OR6J1: variants seen among roughly 807,000 people sequenced by gnomAD.
The protein encoded by OR6J1 is olfactory receptor family 6 subfamily J member 1.
For missense variants in OR6J1, 304 were observed against 166.8 expected (o/e 1.82, Z -4.53); for synonymous variants, 109 against 70.0 (o/e 1.56, Z -2.78).
chr14:22,642,312 A>AATATATATATATATATATATATATAT (rs71421135), intron 1 of OR6J1, among the ~76,000 whole-genome samples: 11 of 109,230 alleles, frequency 1.0e-4, no homozygotes, highest in South Asian at 2.8e-4. Context: ...TCAACTTAAG[A>AATATATATATATATATATATATATAT]ATATATATAT....
rs1594902821 is a variant in OR6J1, at chr14:22,638,616, C to T, written c.-27-3778G>A. On this transcript the variant is annotated intron_variant, in intron 1 of 1. Coordinates refer to ENST00000540461, the MANE Select transcript of OR6J1 (RefSeq NM_001348233.2). ...CTATTGTCCTATGACCCTGCCAAATCCCCCTCTGCGAGAAACACCCAAGAA... is the reference window on the plus strand; with the variant it reads ...CTATTGTCCTATGACCCTGCCAAATTCCCCTCTGCGAGAAACACCCAAGAA... 4.1e-5 allele frequency among the ~76,000 whole-genome samples: 3 copies of T among 72,872 alleles called. No homozygotes were observed. The South Asian group carries it at 9.5e-4, about 23-fold the overall frequency. 47.8% of individuals were successfully genotyped at this position (72,872 alleles called of 152,430 possible).
At chr14:22,643,762 CACAGAGAGAGAGAGAGAG>C (rs2037669904) in intron 1 of OR6J1, among the ~76,000 whole-genome samples, 1 of 53,066 alleles carries the variant, frequency 1.9e-5, no homozygotes, top group African/African-American at 7.3e-5. Flanking sequence ...CACACACACA[CACAGAGAGAGAGAGAGAG>C]AGAGAGAGAG....
chr14:22,633,829 T>C lies in OR6J1; in HGVS notation c.983A>G (p.Asp328Gly), dbSNP rs1160939723. 1.4e-6 allele frequency: 1 copy of C among 702,318 alleles called. No individual in the cohort carries two copies. Among genetic ancestry groups the C allele is most frequent in the South Asian group, 1.5e-5 (1 of 67,504 alleles). The allele number at this position is 702,318 out of a possible 1,614,324, so 43.5% of individuals were successfully genotyped here. ...VLRSRLSSNKDHQGRACSSPP... is the reference protein window; with the variant it reads ...VLRSRLSSNKGHQGRACSSPP... ...AGAAGAGCAAGCCCTTCCTTGGTGG[T>C]CTTTGTTGGAGGATAATCTGCTTCT... Residue 328 changes from aspartate to glycine, a missense_variant, in exon 2 of 2, where the codon GAC becomes GGC. Asp to Gly is a moderately conservative substitution (Grantham distance 94, BLOSUM62 -1). Transcript: ENST00000540461.
chr14:22,634,668 C>T lies in OR6J1; in HGVS notation c.144G>A (p.Val48=). The change falls in exon 2 of 2, where the codon GTG becomes GTA. Residue 48 remains valine, a synonymous_variant. Transcript: ENST00000540461. The part of the protein sequence containing the change: ...LLGNLLIIST[V]LSCSRLHTPM... ...GGGTGTGGAGGCGGGAGCAGGACAG[C>T]ACAGTGGAGATGATGAGCAGGTTCC... 1 of 740,372 alleles carries T rather than the reference C, an allele frequency of 1.4e-6. No homozygotes were observed. The highest frequency in any genetic ancestry group is 2.5e-6 in the Non-Finnish European group (1 of 401,588). 45.9% of individuals were successfully genotyped at this position (740,372 alleles called of 1,614,324 possible). A position where few individuals can be genotyped will look rare whatever the true frequency, so the allele number is the denominator to read the frequency against.
chr14:22,642,862 G>T (rs997705832), intron 1 of OR6J1, among the ~76,000 whole-genome samples: 10 of 151,938 alleles, frequency 6.6e-5, no homozygotes, highest in African/African-American at 2.4e-4. Flanking sequence ...TAGTGCAGTG[G>T]CATGAAGATA....
chr14:22,643,752 CACACACACACACAGAGAGAGAGAG>C (rs1441861290), intron 1 of OR6J1, among the ~76,000 whole-genome samples: 3 of 107,176 alleles, frequency 2.8e-5, no homozygotes, highest in African/African-American at 1.1e-4. Flanking sequence ...CACACACACA[CACACACACACACAGAGAGAGAGAG>C]AGAGAGAGAG....
At chr14:22,636,240 C>G (rs1195595639) in intron 1 of OR6J1, among the ~76,000 whole-genome samples, 4 of 16 alleles carry the variant, frequency 0.25, no homozygotes, top group East Asian at 0.38. Context: ...CTCCCTCTCC[C>G]TCTCCCTCTC....
chr14:22,642,312 AAT>A (rs71421135), intron 1 of OR6J1, among the ~76,000 whole-genome samples: 5,309 of 107,770 alleles, frequency 0.049, 145 homozygotes, highest in Non-Finnish European at 0.065. Flanking sequence ...TCAACTTAAG[AAT>A]ATATATATAT....
At chr14:22,641,151 G>A (rs2037641655) in intron 1 of OR6J1, among the ~76,000 whole-genome samples, 1 of 149,688 alleles carries the variant, frequency 6.7e-6, no homozygotes, top group Non-Finnish European at 1.5e-5. Flanking sequence ...GTGACAGAGT[G>A]AGACTCTGAA....
Position 22,632,971 on chromosome 14 carries a change from C to T in OR6J1, c.*797G>A, listed in dbSNP as rs747548734. The stretch of plus-strand genomic sequence containing the variant: ...AAAGTGGCCACTCCAGCCACCAAGC[C>T]TATTTCTGCTTCCAGGGGAAGCATC... On this transcript the variant is annotated 3_prime_UTR_variant, in exon 2 of 2. Coordinates refer to ENST00000540461, the MANE Select transcript of OR6J1 (RefSeq NM_001348233.2). 5 of 152,236 alleles carry T rather than the reference C, an allele frequency of 3.3e-5. No homozygotes were observed. Among genetic ancestry groups the T allele is most frequent in the Non-Finnish European group, 7.3e-5 (5 of 68,050 alleles). The allele number at this position is 152,236 out of a possible 1,614,324, so 9.4% of individuals were successfully genotyped here. A position where few individuals can be genotyped will look rare whatever the true frequency, so the allele number is the denominator to read the frequency against.
rs140792535 is a variant in OR6J1, at chr14:22,631,783, C to T, written c.*1985G>A. On this transcript the variant is annotated 3_prime_UTR_variant, in exon 2 of 2. Transcript: ENST00000540461. ...CTGCCATGGCTTCAGCCGGTCCCTCCGTTTGGGGTGCCTGACTTCCCGCAA... is the reference window on the plus strand; with the variant it reads ...CTGCCATGGCTTCAGCCGGTCCCTCTGTTTGGGGTGCCTGACTTCCCGCAA... 0.028 allele frequency: 4,242 copies of T among 154,130 alleles called. 67 individuals carry two copies. Among genetic ancestry groups the T allele is most frequent in the Non-Finnish European group, 0.041 (2,789 of 68,826 alleles). 9.5% of individuals were successfully genotyped at this position (154,130 alleles called of 1,614,324 possible).
intron 1 of OR6J1, among the ~76,000 whole-genome samples, chr14:22,638,721 A>G (rs2037616328): frequency 6.6e-6 from 1 of 152,190 alleles, no homozygotes; most frequent in Non-Finnish European, 1.5e-5. Flanking sequence ...TACCCACTAT[A>G]TTGTCAAGAA....
chr14:22,639,957 T>C (rs2037630368), intron 1 of OR6J1, among the ~76,000 whole-genome samples: 2 of 82,094 alleles, frequency 2.4e-5, no homozygotes, highest in South Asian at 6.8e-4. Context: ...TCCTCCTCTG[T>C]GAGAAACACC....
rs1195791218 is a variant in OR6J1, at chr14:22,641,447, G to GAGAA, written c.-28+2647_-28+2650dup. Among the ~76,000 whole-genome samples the GAGAA allele has an allele frequency of 7.9e-4, 38 of 48,168 alleles. 1 individual carries two copies. Among genetic ancestry groups the GAGAA allele is most frequent in the East Asian group, 2.2e-3 (2 of 900 alleles). The allele number at this position is 48,168 out of a possible 152,430, so 31.6% of individuals were successfully genotyped here. On this transcript the variant is annotated intron_variant, in intron 1 of 1. Coordinates refer to ENST00000540461, the MANE Select transcript of OR6J1 (RefSeq NM_001348233.2). ...AGAAAGAAAGAAAGAATGAAAGAGA[G>GAGAA]AGAAAGAAAGAAAGAAAGAAAAAGA... is the stretch of plus-strand genomic sequence containing the variant.
chr14:22,636,618 G>T (rs1403270058), intron 1 of OR6J1, among the ~76,000 whole-genome samples: 1 of 116,346 alleles, frequency 8.6e-6, no homozygotes. Flanking sequence ...GTTTTGCTGT[G>T]TTGGCCGGGC....
At position 22,634,640 on chromosome 14, in the gene OR6J1, TG is replaced by T; in HGVS notation, c.171del (p.Met58CysfsTer27). The T allele has an allele frequency of 1.3e-6, 1 of 744,702 alleles. No individual in the cohort carries two copies. The highest frequency in any genetic ancestry group is 1.4e-5 in the South Asian group (1 of 70,792). 46.1% of individuals were successfully genotyped at this position (744,702 alleles called of 1,614,324 possible). A position where few individuals can be genotyped will look rare whatever the true frequency, so the allele number is the denominator to read the frequency against. ...TVLSCSRLHT[P>X]MYFFLCNLSI... ...GAGAGGTTGCACAAGAAGAAGTACA[TG>T]GGGGTGTGGAGGCGGGAGCAGGACA... On this transcript the variant is annotated frameshift_variant, in exon 2 of 2. Coordinates refer to ENST00000540461, the MANE Select transcript of OR6J1 (RefSeq NM_001348233.2). LOFTEE classifies it low-confidence loss of function (END_TRUNC).
chr14:22,641,894 A>C (rs1252937911), intron 1 of OR6J1, among the ~76,000 whole-genome samples: 1 of 152,222 alleles, frequency 6.6e-6, no homozygotes, highest in Non-Finnish European at 1.5e-5. Context: ...TCCAGGGACA[A>C]GGTCAAATAG....
chr14:22,639,056 C>T (rs1269944858), intron 1 of OR6J1, among the ~76,000 whole-genome samples: 1 of 93,690 alleles, frequency 1.1e-5, no homozygotes, highest in Admixed American at 9.1e-5. Context: ...CCGGCCGCCC[C>T]GTCTGAGAAG....
chr14:22,640,581 C>T (rs767155891), intron 1 of OR6J1, among the ~76,000 whole-genome samples: 6 of 149,678 alleles, frequency 4.0e-5, no homozygotes, highest in Non-Finnish European at 8.9e-5. Flanking sequence ...CAGACTCAGC[C>T]TCCCTGGATC....
Sources: gnomAD v4.1 joint callset for allele counts (sites outside exome capture counted in the v4.1 genomes callset) on GRCh38, gnomAD v4.1.1 for gene constraint, MANE v1.5 for transcripts, NCBI Gene and HGNC (gene_info 2026-07-23, HGNC 2026-07-21) for gene names.